The following SPTAN1 variants were observed in gnomAD, a reference collection of about 807,000 sequenced individuals.
The protein encoded by SPTAN1 is spectrin alpha, non-erythrocytic 1, also known as spectrin alpha chain, non-erythrocytic 1.
A neutral mutation model predicts 331.3 loss-of-function variants in SPTAN1; 61 were observed. That is an observed-to-expected ratio of 0.18 (90% CI 0.15 to 0.23). SPTAN1 has a LOEUF of 0.23. Ranked by LOEUF, SPTAN1 falls within the 10% of genes least tolerant of loss-of-function variation. The probability of loss-of-function intolerance (pLI) is 1.00; values close to 1 mark genes in which losing one functional copy is unlikely to be tolerated. For synonymous variants in SPTAN1, 1,153 were observed against 1,173.9 expected, an observed-to-expected ratio of 0.98 and a Z score of 0.36; for missense variants, 2,043 against 3,147.9, an observed-to-expected ratio of 0.65 and a Z score of 8.40.
chr9:128,564,352 G>C lies in SPTAN1; in HGVS notation c.-3-2386G>C, dbSNP rs1564190649. Among the ~76,000 whole-genome samples the C allele has an allele frequency of 2.0e-5, 3 of 151,842 alleles. No homozygotes were observed. In the South Asian group the frequency reaches 6.2e-4, roughly 32 times the overall value. On this transcript the variant is annotated intron_variant, in intron 1 of 56. Transcript: ENST00000372739. ...GAGAATTGCTTGAACCCGGGATGCA[G>C]AGGTTTCAATGAGCCAAGATCATGC...
Position 128,585,930 on chromosome 9 carries a change from A to G in SPTAN1, c.2743A>G (p.Ser915Gly). Residue 915 changes from serine (S) to glycine (G), a missense_variant, in exon 19 of 57, where the codon AGC (serine) becomes GGC (glycine). Coordinates refer to ENST00000372739, the MANE Select transcript of SPTAN1 (RefSeq NM_001130438.3). ...GCGGGAGAAGGAACCCATTGTGGGC[A>G]GCACTGACTATGGCAAGGACGAAGA... ...WMREKEPIVG[S>G]TDYGKDEDSA... The G allele has an allele frequency of 6.2e-7, 1 of 1,613,178 alleles. No homozygotes were observed. The highest frequency in any genetic ancestry group is 1.7e-5 in the Admixed American group (1 of 60,020).
rs759547368 is a variant in SPTAN1 at position 128,627,053 on chromosome 9, T to C, written c.6577-333T>C. 1 of 547,136 alleles carries C rather than the reference T, an allele frequency of 1.8e-6. No individual in the cohort carries two copies. Among genetic ancestry groups the C allele is most frequent in the South Asian group, 1.5e-5 (1 of 65,320 alleles). 33.9% of individuals were successfully genotyped at this position (547,136 alleles called of 1,614,324 possible). A position where few individuals can be genotyped will look rare whatever the true frequency, so the allele number is the denominator to read the frequency against. ...GTCTTCAACTCCTGGCCTCAAGCAG[T>C]CCTCCTGCCCAGGCCTCCCAAAGTG... On this transcript the variant is annotated intron_variant, in intron 49 of 56. Coordinates refer to ENST00000372739, the MANE Select transcript of SPTAN1 (RefSeq NM_001130438.3). This position sits in a 1 kb window ranked among gnomAD's most constrained non-coding sequence, Gnocchi z 4.9.
chr9:128,583,414 G>A (rs1852189358), intron 15 of SPTAN1, 133 bp downstream of exon 15: 4 of 938,668 alleles, frequency 4.3e-6, no homozygotes, highest in Non-Finnish European at 6.7e-6. Flanking sequence ...ATAATTTCCT[G>A]TGTAGGAATT....
At position 128,632,417 on chromosome 9, in the gene SPTAN1, T is replaced by C. The variant is rs754818571; in HGVS notation, c.6960-14T>C. The C allele has an allele frequency of 1.1e-5, 18 of 1,613,974 alleles. No homozygotes were observed. Among genetic ancestry groups the C allele is most frequent in the South Asian group, 2.2e-5 (2 of 91,072 alleles). Reference sequence around the variant, plus strand: ...TGTGGAGGGTCTGTTCCCTAATTTCTGTTTTTCTTCCAGGAACACAACAGG... The same window carrying C: ...TGTGGAGGGTCTGTTCCCTAATTTCCGTTTTTCTTCCAGGAACACAACAGG... On this transcript the variant is annotated splice_polypyrimidine_tract_variant and intron_variant, in intron 53 of 56. Coordinates refer to ENST00000372739, the MANE Select transcript of SPTAN1 (RefSeq NM_001130438.3).
intron 23 of SPTAN1, chr9:128,593,430 A>T: frequency 4.6e-6 from 1 of 217,970 alleles, no homozygotes; most frequent in Non-Finnish European, 9.3e-6. Context: ...TTTTTATTTT[A>T]CTTTGGGACA....
chr9:128,608,847 T>G (rs191971169), intron 34 of SPTAN1, 27 bp from the exon 35 acceptor site: 22 of 1,610,800 alleles, frequency 1.4e-5, no homozygotes, highest in East Asian at 2.2e-5. Context: ...AGGCCCACCT[T>G]GATCTCATGC....
intron 49 of SPTAN1, chr9:128,626,919 A>C (rs1048904958): frequency 3.2e-6 from 2 of 626,108 alleles, no homozygotes; most frequent in Non-Finnish European, 5.8e-6. Context: ...GGCTCAGGTG[A>C]TCCTCTTGCC....
rs747582018 is a variant in SPTAN1, at chr9:128,632,868, C to T, written c.7221C>T (p.Asn2407=). Residue 2407 remains asparagine (N), a synonymous_variant, in exon 56 of 57, where the codon AAC becomes AAT. Coordinates refer to ENST00000372739, the MANE Select transcript of SPTAN1 (RefSeq NM_001130438.3). ...MAFMISRETE[N]VKSSEEIESA... is the part of the protein sequence containing the mutation. ...TCATGATCAGCCGCGAAACTGAGAA[C>T]GTCAAGTCCAGCGAGGAGATTGAGA... 15 of 1,613,970 alleles carry T rather than the reference C, an allele frequency of 9.3e-6. No homozygotes were observed. The African/African-American group carries it at 1.2e-4, about 13-fold the overall frequency.
chr9:128,617,142 G>A (rs1857269149), intron 41 of SPTAN1, among the ~76,000 whole-genome samples: 1 of 152,012 alleles, frequency 6.6e-6, no homozygotes, highest in African/African-American at 2.4e-5. Context: ...CGGAGGCTGA[G>A]GTGGGAGGAT....
At chr9:128,595,155 G>T (rs1425284185) in intron 24 of SPTAN1, among the ~76,000 whole-genome samples, 2 of 151,958 alleles carry the variant, frequency 1.3e-5, no homozygotes, top group Admixed American at 1.3e-4. Context: ...TATCACCCAG[G>T]CTAGAGTACA....
At chr9:128,626,262 G>C in intron 48 of SPTAN1, 129 bp from the exon 49 acceptor site, 1 of 1,180,898 alleles carries the variant, frequency 8.5e-7, no homozygotes, top group South Asian at 1.2e-5. Flanking sequence ...CAGGAGCAGA[G>C]GGGAGCTAAG....
Position 128,575,564 on chromosome 9 carries a change from A to G in SPTAN1, c.651+219A>G, listed in dbSNP as rs2297771. Reference sequence around the variant, plus strand: ...GCCTTGGGCAGGAAGGGCAGAGTTCATTTGATCTGTTTCCTCTACCCACTT... The same window carrying G: ...GCCTTGGGCAGGAAGGGCAGAGTTCGTTTGATCTGTTTCCTCTACCCACTT... On this transcript the variant is annotated intron_variant, in intron 5 of 56. Coordinates refer to ENST00000372739, the MANE Select transcript of SPTAN1 (RefSeq NM_001130438.3). Among the ~76,000 whole-genome samples the G allele has an allele frequency of 0.75, 114,080 of 152,128 alleles. 45,460 individuals carry two copies. The highest frequency in any genetic ancestry group is 0.9 in the Non-Finnish European group (61,237 of 68,002).
chr9:128,578,236 A>G lies in SPTAN1; in HGVS notation c.1212A>G (p.Gln404=). 1 of 1,614,158 alleles carries G rather than the reference A, an allele frequency of 6.2e-7. No individual in the cohort carries two copies. Among genetic ancestry groups the G allele is most frequent in the South Asian group, 1.1e-5 (1 of 91,080 alleles). Residue 404 remains glutamine (Q), a synonymous_variant, in exon 9 of 57, where the codon CAA becomes CAG. Transcript: ENST00000372739. ...CTGAAGCCCTGCTAGATAGACACCAAGAGCACAAGGTAATGGTATCTCTAG... is the reference window on the plus strand; with the variant it reads ...CTGAAGCCCTGCTAGATAGACACCAGGAGCACAAGGTAATGGTATCTCTAG... The part of the protein sequence containing the change: ...AGAEALLDRH[Q]EHKGEIDAHE...
chr9:128,600,162 C>T, intron 27 of SPTAN1, 47 bp downstream of exon 27: 1 of 1,588,530 alleles, frequency 6.3e-7, no homozygotes, highest in Non-Finnish European at 8.6e-7. Flanking sequence ...TTTGCGAGAT[C>T]ATGAAATATG....
In SPTAN1 at chr9:128,627,660, G is replaced by GT. The variant is rs1482885060; in HGVS notation, c.6689+163dup. The GT allele has an allele frequency of 1.3e-4, 103 of 814,146 alleles. No individual in the cohort carries two copies. Among genetic ancestry groups the GT allele is most frequent in the Non-Finnish European group, 2.0e-4 (96 of 483,030 alleles). The allele number at this position is 814,146 out of a possible 1,614,324, so 50.4% of individuals were successfully genotyped here. A position where few individuals can be genotyped will look rare whatever the true frequency, so the allele number is the denominator to read the frequency against. On this transcript the variant is annotated intron_variant, in intron 50 of 56. Coordinates refer to ENST00000372739, the MANE Select transcript of SPTAN1 (RefSeq NM_001130438.3). This position sits in a 1 kb window ranked among gnomAD's most constrained non-coding sequence, Gnocchi z 4.9. ...GCCTGGTCGGGCTCTGGAGCCGGGA[G>GT]TGGGGGCATAGGTGGAGCAGCCTCT...
In SPTAN1 at chr9:128,574,734, A is replaced by G. The variant is rs760815035; in HGVS notation, c.423A>G (p.Lys141=). The G allele has an allele frequency of 6.2e-7, 1 of 1,614,164 alleles. No individual in the cohort carries two copies. Among genetic ancestry groups the G allele is most frequent in the Non-Finnish European group, 8.5e-7 (1 of 1,179,998 alleles). ...TACTTTTGGAGAAGATGCGAGAAAAAGGAATCAAACTGCTGCAGGCCCAGA... is the reference window on the plus strand; with the variant it reads ...TACTTTTGGAGAAGATGCGAGAAAAGGGAATCAAACTGCTGCAGGCCCAGA... ...WELLLEKMRE[K]GIKLLQAQKL... is the part of the protein sequence containing the mutation. Residue 141 remains lysine (K), a synonymous_variant, in exon 4 of 57, where the codon AAA becomes AAG. Coordinates refer to ENST00000372739, the MANE Select transcript of SPTAN1 (RefSeq NM_001130438.3).
Position 128,584,879 on chromosome 9 carries a change from G to A in SPTAN1, c.2560+36G>A, listed in dbSNP as rs186769459. On this transcript the variant is annotated intron_variant, in intron 18 of 56. Transcript: ENST00000372739. ...GGTATCAGTGACATGGCTTGGTGCT[G>A]CTCCTCGTGTCTCCCCTTCTTGCCG... 666 of 1,613,984 alleles carry A rather than the reference G, an allele frequency of 4.1e-4. 2 individuals carry two copies. In the East Asian group the frequency reaches 0.013, roughly 32 times the overall value.
Position 128,579,684 on chromosome 9 carries a change from T to C in SPTAN1, c.1269T>C (p.Ser423=). ...ACAGCTTCAAATCTGCAGATGAATC[T>C]GGACAGGCACTGCTTGCTGCTGGTC... ...HEDSFKSADE[S]GQALLAAGHY... The change falls in exon 10 of 57, where the codon TCT becomes TCC. Residue 423 remains serine, a synonymous_variant. Coordinates refer to ENST00000372739, the MANE Select transcript of SPTAN1 (RefSeq NM_001130438.3). 1.9e-6 allele frequency: 3 copies of C among 1,614,174 alleles called. No individual in the cohort carries two copies. Among genetic ancestry groups the C allele is most frequent in the East Asian group, 2.2e-5 (1 of 44,876 alleles).
At chr9:128,630,433 G>T (rs1859519794) in intron 52 of SPTAN1, 58 bp downstream of exon 52, 1 of 1,575,912 alleles carries the variant, frequency 6.3e-7, no homozygotes, top group Admixed American at 1.7e-5. Context: ...ACCCCCCAGG[G>T]TACCCCTTCC....
Sources: allele counts gnomAD v4.1 joint callset (sites outside exome capture counted in the v4.1 genomes callset), GRCh38; gene constraint gnomAD v4.1.1; non-coding constraint Gnocchi (gnomAD v3.1); transcripts MANE v1.5; gene names NCBI Gene and HGNC (gene_info 2026-07-23, HGNC 2026-07-21).